TMEM131L: variants seen among roughly 807,000 people sequenced by gnomAD.
TMEM131L encodes transmembrane 131 like, also known as transmembrane protein 131-like.
TMEM131L carries 54 observed loss-of-function variants against 192.2 expected under a neutral mutation model. The observed-to-expected ratio is 0.28, with a 90% CI of 0.23 to 0.35. The LOEUF (loss-of-function observed/expected upper bound fraction) is 0.35. TMEM131L is among the 10% of genes least tolerant of loss of function. The probability of loss-of-function intolerance (pLI) is 1.00; values close to 1 mark genes in which losing one functional copy is unlikely to be tolerated. For synonymous variants in TMEM131L, 701 were observed against 704.9 expected, an observed-to-expected ratio of 0.99 and a Z score of 0.09; for missense variants, 1,888 against 1,972.9, an observed-to-expected ratio of 0.96 and a Z score of 0.82.
At chr4:153,558,591 GT>G in intron 7 of TMEM131L, 1 of 334,750 alleles carries the variant, frequency 3.0e-6, no homozygotes, top group Non-Finnish European at 5.5e-6. Flanking sequence ...CTTTTGAAAT[GT>G]TTCCTGTTTT....
chr4:153,581,314 T>C, intron 8 of TMEM131L, 93 bp from the exon 9 acceptor site: 1 of 966,450 alleles, frequency 1.0e-6, no homozygotes, highest in Non-Finnish European at 1.5e-6. Flanking sequence ...ACACGTCCCA[T>C]TACGTTAAAT....
At chr4:153,632,647 GCAGGTGCAGGAAGGGTAGGATGAGGGC>G in intron 31 of TMEM131L, 44 bp from the exon 32 acceptor site, 1 of 1,581,604 alleles carries the variant, frequency 6.3e-7, no homozygotes, top group Non-Finnish European at 8.6e-7. Flanking sequence ...GGAGGGAAGG[GCAGGTGCAGGAAGGGTAGGATGAGGGC>G]CAGGTGAGGA....
At chr4:153,628,918 AGTCTGTTGCCTGCAAAGCTGTG>A (rs1446900969) in intron 31 of TMEM131L, among the ~76,000 whole-genome samples, 1 of 152,148 alleles carries the variant, frequency 6.6e-6, no homozygotes, top group Admixed American at 6.5e-5. Flanking sequence ...TCTTGTCTGC[AGTCTGTTGCCTGCAAAGCTGTG>A]GGCCCATCAC....
chr4:153,490,735 C>A (rs1732713442), intron 3 of TMEM131L, among the ~76,000 whole-genome samples: 2 of 151,918 alleles, frequency 1.3e-5, no homozygotes, highest in South Asian at 4.2e-4. Flanking sequence ...GCGGGTGGAT[C>A]ATGAGATCAT....
intron 19 of TMEM131L, among the ~76,000 whole-genome samples, chr4:153,595,726 A>G: frequency 6.6e-6 from 1 of 151,820 alleles, no homozygotes; most frequent in Non-Finnish European, 1.5e-5. Flanking sequence ...AAAAAAAAAA[A>G]AAACACGACA....
chr4:153,560,981 G>T (rs928998701), intron 7 of TMEM131L, among the ~76,000 whole-genome samples: 2 of 152,158 alleles, frequency 1.3e-5, no homozygotes, highest in East Asian at 3.8e-4. Context: ...TAAAGTGGTT[G>T]CATCATTTTA....
intron 19 of TMEM131L, among the ~76,000 whole-genome samples, chr4:153,595,462 C>A (rs1388049433): frequency 7.0e-6 from 1 of 143,604 alleles, no homozygotes; most frequent in Non-Finnish European, 1.6e-5. Flanking sequence ...ATCAAATAAT[C>A]AAATACTATT....
At position 153,592,652 on chromosome 4, in the gene TMEM131L, C is replaced by G. The variant is rs77905853; in HGVS notation, c.1922+68C>G. 1.4e-3 allele frequency: 1,541 copies of G among 1,064,712 alleles called. 14 individuals are homozygous for G. The African/African-American group carries it at 0.02, about 14-fold the overall frequency. 66.0% of individuals were successfully genotyped at this position (1,064,712 alleles called of 1,614,324 possible). On this transcript the variant is annotated intron_variant, in intron 18 of 34. Coordinates refer to ENST00000409959, the MANE Select transcript of TMEM131L (RefSeq NM_001131007.2). ...GGGAAGACTTAGAATTACTTAATGT[C>G]CTACACTTTTTCAACCAGGACCTGT...
intron 3 of TMEM131L, among the ~76,000 whole-genome samples, chr4:153,476,916 C>T (rs1417581553): frequency 2.0e-5 from 3 of 152,114 alleles, no homozygotes; most frequent in Non-Finnish European, 4.4e-5. Flanking sequence ...CCAGTACGTA[C>T]AGTGTGGCAG....
intron 3 of TMEM131L, among the ~76,000 whole-genome samples, chr4:153,476,554 A>G (rs1404845045): frequency 6.6e-6 from 1 of 151,926 alleles, no homozygotes; most frequent in African/African-American, 2.4e-5. Context: ...AAAATTAGCC[A>G]GGTGTGGTGG....
At chr4:153,543,102 T>G (rs1326849548) in intron 3 of TMEM131L, among the ~76,000 whole-genome samples, 1 of 152,224 alleles carries the variant, frequency 6.6e-6, no homozygotes, top group African/African-American at 2.4e-5. Flanking sequence ...TTTGGTTTAA[T>G]AATTGCTTTG....
In TMEM131L at chr4:153,493,517, G is replaced by A. The variant is rs147112165; in HGVS notation, c.239+19629G>A. Among the ~76,000 whole-genome samples the A allele has an allele frequency of 1.3e-5, 2 of 151,858 alleles. 1 individual carries two copies. Among genetic ancestry groups the A allele is most frequent in the South Asian group, 4.1e-4 (2 of 4,822 alleles). ...CTACTAAAAATACAAAAAATTAGCC[G>A]GGCATGGCGGTGCGCACTGGTAATC... is the stretch of plus-strand genomic sequence containing the variant. On this transcript the variant is annotated intron_variant, in intron 3 of 34. Coordinates refer to ENST00000409959, the MANE Select transcript of TMEM131L (RefSeq NM_001131007.2).
chr4:153,598,105 A>C lies in TMEM131L; in HGVS notation c.2124-485A>C, dbSNP rs575277177. Among the ~76,000 whole-genome samples, 98 of 152,196 alleles carry C rather than the reference A, an allele frequency of 6.4e-4. 2 individuals carry two copies. The highest frequency in any genetic ancestry group is 1.3e-3 in the Non-Finnish European group (86 of 68,030). On this transcript the variant is annotated intron_variant, in intron 20 of 34. Transcript: ENST00000409959. ...TCTTCACTTCAAAAGAAACAGTAGAATTTTACGTCTAGTATCATCCCTAAG... is the reference window on the plus strand; with the variant it reads ...TCTTCACTTCAAAAGAAACAGTAGACTTTTACGTCTAGTATCATCCCTAAG...
chr4:153,627,475 G>T, intron 30 of TMEM131L, 130 bp from the exon 31 acceptor site: 1 of 642,770 alleles, frequency 1.6e-6, no homozygotes. Context: ...ATATCTGTAT[G>T]TTTCTTCCCC....
chr4:153,487,947 A>C (rs1732470155), intron 3 of TMEM131L, among the ~76,000 whole-genome samples: 1 of 150,180 alleles, frequency 6.7e-6, no homozygotes, highest in Admixed American at 6.6e-5. Context: ...AGACAGGGAC[A>C]AAGAGAGAGA....
chr4:153,502,377 A>C (rs953663378), intron 3 of TMEM131L, among the ~76,000 whole-genome samples: 2 of 152,228 alleles, frequency 1.3e-5, no homozygotes, highest in African/African-American at 4.8e-5. Flanking sequence ...GGAGGACAGG[A>C]AAACAGCTAC....
intron 11 of TMEM131L, 71 bp from the exon 12 acceptor site, chr4:153,584,764 T>G: frequency 1.0e-6 from 1 of 1,004,436 alleles, no homozygotes; most frequent in Non-Finnish European, 1.5e-6. Context: ...AAATAAGACA[T>G]ATATCTTTTG....
At chr4:153,594,933 A>C (rs1175726452) in intron 19 of TMEM131L, among the ~76,000 whole-genome samples, 2 of 152,206 alleles carry the variant, frequency 1.3e-5, no homozygotes, top group African/African-American at 4.8e-5. Context: ...ACTGGTATTG[A>C]ATCATGTATA....
At chr4:153,581,308 G>A (rs1298155904) in intron 8 of TMEM131L, 99 bp from the exon 9 acceptor site, 8 of 858,432 alleles carry the variant, frequency 9.3e-6, no homozygotes, top group South Asian at 4.1e-5. Flanking sequence ...TCTCACACAC[G>A]TCCCATTACG....
Sources: gnomAD v4.1 joint callset for allele counts (sites outside exome capture counted in the v4.1 genomes callset) on GRCh38, gnomAD v4.1.1 for gene constraint, MANE v1.5 for transcripts, NCBI Gene and HGNC (gene_info 2026-07-23, HGNC 2026-07-21) for gene names.